Variants in RBM47 observed in about 807,000 individuals in gnomAD.
RBM47 encodes the protein RNA-binding protein 47.
Under a neutral mutation model 47.1 loss-of-function variants are expected in RBM47, and 21 were observed. The ratio of observed to expected loss-of-function variants is 0.45; its 90% CI spans 0.32 to 0.64. RBM47 has a LOEUF of 0.64. Among genes scored for constraint, RBM47 ranks in the 30% least tolerant of loss-of-function variants. The pLI is 0.05. For missense variants in RBM47, 708 were observed against 870.9 expected (o/e 0.81, Z 2.35); for synonymous variants, 375 against 361.7 (o/e 1.04, Z -0.42).
intron 1 of RBM47, among the ~76,000 whole-genome samples, chr4:40,579,969 G>A (rs966825476): frequency 1.3e-5 from 2 of 151,848 alleles, no homozygotes; most frequent in Non-Finnish European, 2.9e-5. Flanking sequence ...TGTTGCCCAG[G>A]CTGGTCTTGA....
chr4:40,591,733 G>C (rs780678663), intron 1 of RBM47, among the ~76,000 whole-genome samples: 9 of 151,990 alleles, frequency 5.9e-5, no homozygotes, highest in Non-Finnish European at 1.0e-4. Flanking sequence ...TATGTGGGGA[G>C]AATTTCACAG....
At chr4:40,629,241 C>T (rs1484054972) in intron 1 of RBM47, among the ~76,000 whole-genome samples, 155 bp downstream of exon 1, 1 of 152,070 alleles carries the variant, frequency 6.6e-6, no homozygotes, top group Admixed American at 6.6e-5. Context: ...CCCTTTATTT[C>T]CCACTAAATA....
chr4:40,514,938 G>GA (rs1553894509), intron 2 of RBM47, among the ~76,000 whole-genome samples: 1 of 152,006 alleles, frequency 6.6e-6, no homozygotes, highest in Non-Finnish European at 1.5e-5. Flanking sequence ...ACTGTCAAAG[G>GA]CAAGAGTTAA....
intron 2 of RBM47, among the ~76,000 whole-genome samples, chr4:40,516,400 C>T (rs767902935): frequency 4.6e-5 from 7 of 151,800 alleles, no homozygotes; most frequent in Non-Finnish European, 5.9e-5. Flanking sequence ...GCTGGGATTA[C>T]AGGCACCTGA....
At chr4:40,533,489 G>A (rs1428772841) in intron 2 of RBM47, among the ~76,000 whole-genome samples, 3 of 151,216 alleles carry the variant, frequency 2.0e-5, no homozygotes, top group African/African-American at 7.3e-5. Flanking sequence ...GTAGGAAAGA[G>A]CAATACAAAG....
At chr4:40,509,911 G>A (rs1724695743) in intron 2 of RBM47, among the ~76,000 whole-genome samples, 1 of 150,614 alleles carries the variant, frequency 6.6e-6, no homozygotes, top group African/African-American at 2.4e-5. Context: ...AACTGGCCAG[G>A]TGCAGTGGCT....
intron 2 of RBM47, among the ~76,000 whole-genome samples, chr4:40,498,052 TTTTA>T (rs1379050191): frequency 3.2e-4 from 24 of 75,206 alleles, no homozygotes; most frequent in Non-Finnish European, 4.3e-4. Context: ...TAAGTGCTTG[TTTTA>T]TATATATATA....
chr4:40,467,920 G>C (rs1373632594), intron 2 of RBM47, among the ~76,000 whole-genome samples: 2 of 152,180 alleles, frequency 1.3e-5, no homozygotes, highest in Non-Finnish European at 2.9e-5. Context: ...CAGAAGGCTA[G>C]TTTTAAGGCT....
chr4:40,461,378 T>C (rs1237316968), intron 3 of RBM47, among the ~76,000 whole-genome samples: 1 of 152,218 alleles, frequency 6.6e-6, no homozygotes, highest in Non-Finnish European at 1.5e-5. Context: ...TGATTTTAAT[T>C]ATTCAAGGGA....
intron 3 of RBM47, among the ~76,000 whole-genome samples, chr4:40,449,186 C>T (rs578143908): frequency 5.3e-5 from 8 of 152,200 alleles, no homozygotes; most frequent in Non-Finnish European, 7.4e-5. Flanking sequence ...AACAATAAGC[C>T]GAAGACTTTG....
rs534079312 is a variant in RBM47 at position 40,496,782 on chromosome 4, G to A, written c.-154-30083C>T. The stretch of plus-strand genomic sequence containing the variant: ...TGTCCAGGCACAGTGGCTCACGTCT[G>A]TAATCCCAGCACTTTGGGAGGCAAA... On this transcript the variant is annotated intron_variant, in intron 2 of 6. Transcript: ENST00000295971. 8.5e-5 allele frequency among the ~76,000 whole-genome samples: 13 copies of A among 152,314 alleles called. No individual in the cohort carries two copies. In the South Asian group the frequency reaches 1.7e-3, roughly 19 times the overall value.
intron 1 of RBM47, among the ~76,000 whole-genome samples, chr4:40,565,022 G>C (rs1730968665): frequency 6.6e-6 from 1 of 152,156 alleles, no homozygotes; most frequent in African/African-American, 2.4e-5. Flanking sequence ...GGACTGAGCA[G>C]GGCCTAAGGA....
chr4:40,596,935 T>A (rs1266289625), intron 1 of RBM47, among the ~76,000 whole-genome samples: 2 of 152,178 alleles, frequency 1.3e-5, no homozygotes, highest in Non-Finnish European at 2.9e-5. Flanking sequence ...ATAAAACAAA[T>A]TTTTAAATAT....
intron 2 of RBM47, among the ~76,000 whole-genome samples, chr4:40,491,248 T>C (rs996010525): frequency 6.6e-6 from 1 of 152,230 alleles, no homozygotes; most frequent in Non-Finnish European, 1.5e-5. Context: ...GAAGAAATTA[T>C]GCTTTAATAA....
intron 2 of RBM47, among the ~76,000 whole-genome samples, chr4:40,480,380 G>A (rs929610763): frequency 6.6e-6 from 1 of 152,098 alleles, no homozygotes; most frequent in Admixed American, 6.5e-5. Flanking sequence ...CAGGCATTCT[G>A]GCTCTTAGAG....
At chr4:40,593,870 C>T (rs28432902) in intron 1 of RBM47, among the ~76,000 whole-genome samples, 45,420 of 142,326 alleles carry the variant, frequency 0.32, 7,976 homozygotes, top group African/African-American at 0.46. Context: ...GGTGACCAAG[C>T]GAGACTCTGT....
intron 2 of RBM47, among the ~76,000 whole-genome samples, chr4:40,509,954 AG>A (rs558772170): frequency 6.6e-6 from 1 of 151,204 alleles, no homozygotes; most frequent in African/African-American, 2.4e-5. Context: ...TGGGAGGCTG[AG>A]GGGGGGTGGG....
intron 1 of RBM47, among the ~76,000 whole-genome samples, chr4:40,583,113 A>G (rs998341577): frequency 1.3e-5 from 2 of 152,168 alleles, no homozygotes; most frequent in African/African-American, 4.8e-5. Flanking sequence ...AGAACAAGAA[A>G]GAGCAAAGGG....
rs550985845 is a variant in RBM47, at chr4:40,615,130, A to AAAT, written c.-240+14263_-240+14265dup. On this transcript the variant is annotated intron_variant, in intron 1 of 6. Coordinates refer to ENST00000295971, the MANE Select transcript of RBM47 (RefSeq NM_001098634.2). ...AACAGAGCAAAACCCTGTCTCAAAA[A>AAAT]AATAATAATAATAAAAATAAGAAAC... Among the ~76,000 whole-genome samples the AAAT allele has an allele frequency of 5.3e-5, 8 of 152,122 alleles. No homozygotes were observed. In the East Asian group the frequency reaches 1.4e-3, roughly 26 times the overall value.
Sources: gnomAD v4.1 joint callset for allele counts (sites outside exome capture counted in the v4.1 genomes callset) on GRCh38, gnomAD v4.1.1 for gene constraint, MANE v1.5 for transcripts, NCBI Gene and HGNC (gene_info 2026-07-23, HGNC 2026-07-21) for gene names.